DCLRE1C: variants seen among roughly 807,000 people sequenced by gnomAD.
DCLRE1C encodes DNA cross-link repair 1C, also known as protein artemis.
In DCLRE1C, 47 loss-of-function variants were observed where a neutral mutation model predicts 61.4. The ratio of observed to expected loss-of-function variants is 0.77; its 90% CI spans 0.61 to 0.98. The LOEUF (loss-of-function observed/expected upper bound fraction) is 0.98. DCLRE1C is among the 50% of genes least tolerant of loss of function. The pLI, the probability that DCLRE1C is intolerant of heterozygous loss-of-function variation, is 0.00. For synonymous variants in DCLRE1C, 337 were observed against 287.6 expected, an observed-to-expected ratio of 1.17 and a Z score of -1.74; for missense variants, 858 against 816.0, an observed-to-expected ratio of 1.05 and a Z score of -0.63.
At position 14,923,472 on chromosome 10, in the gene DCLRE1C, G is replaced by A. The variant is rs1837464646; in HGVS notation, c.973-403C>T. On this transcript the variant is annotated intron_variant, in intron 11 of 13. Transcript: ENST00000378278. Reference sequence around the variant, plus strand: ...TTCAAATAAGTTAGAATTTAGCTGGGCATTAACTATAATATACACAAAAAC... The same window carrying A: ...TTCAAATAAGTTAGAATTTAGCTGGACATTAACTATAATATACACAAAAAC... The A allele has an allele frequency of 2.3e-5, 6 of 257,882 alleles. No individual in the cohort carries two copies. The South Asian group carries it at 2.6e-4, about 11-fold the overall frequency. 16.0% of individuals were successfully genotyped at this position (257,882 alleles called of 1,614,324 possible). A position where few individuals can be genotyped will look rare whatever the true frequency, so the allele number is the denominator to read the frequency against.
At chr10:14,919,434 A>G (rs1836736023) in intron 13 of DCLRE1C, among the ~76,000 whole-genome samples, 1 of 152,042 alleles carries the variant, frequency 6.6e-6, no homozygotes, top group African/African-American at 2.4e-5. Flanking sequence ...ATGTTCAAGG[A>G]TAACAAACCA....
intron 1 of DCLRE1C, among the ~76,000 whole-genome samples, chr10:14,951,474 C>A (rs1295591976): frequency 1.4e-5 from 2 of 141,834 alleles, no homozygotes; most frequent in Non-Finnish European, 3.0e-5. Context: ...AGAGTCCATA[C>A]AGTTTCTCAT....
chr10:14,912,025 G>A (rs12572872), intron 13 of DCLRE1C, among the ~76,000 whole-genome samples: 57,681 of 152,086 alleles, frequency 0.38, 13,141 homozygotes, highest in African/African-American at 0.64. Flanking sequence ...CAGTTCCTTG[G>A]AGTGTTAAAA....
At chr10:14,927,398 A>T (rs1461307776) in intron 10 of DCLRE1C, among the ~76,000 whole-genome samples, 3 of 147,286 alleles carry the variant, frequency 2.0e-5, no homozygotes, top group Admixed American at 6.7e-5. Flanking sequence ...ACAAAAAAAA[A>T]AGAAGGGAGG....
intron 13 of DCLRE1C, among the ~76,000 whole-genome samples, chr10:14,916,951 C>T (rs1388209026): frequency 6.6e-6 from 1 of 152,082 alleles, no homozygotes; most frequent in Non-Finnish European, 1.5e-5. Flanking sequence ...CTAGGATAAC[C>T]AAAACAACTT....
chr10:14,953,818 C>G (rs1181944779), intron 1 of DCLRE1C, 84 bp downstream of exon 1: 12 of 1,584,848 alleles, frequency 7.6e-6, no homozygotes, highest in Middle Eastern at 1.9e-4. Flanking sequence ...CAGGCTGCAG[C>G]TCCTTGCTCC....
intron 1 of DCLRE1C, among the ~76,000 whole-genome samples, chr10:14,950,357 CAAAAA>C (rs1196056427): frequency 1.4e-5 from 1 of 71,276 alleles, no homozygotes; most frequent in African/African-American, 4.8e-5. Flanking sequence ...AAATAATAAC[CAAAAA>C]AAAAAAAAAA....
chr10:14,902,567 T>C (rs368830300), downstream of DCLRE1C: 719 of 1,115,592 alleles, frequency 6.4e-4, 14 homozygotes, highest in South Asian at 0.012. Flanking sequence ...AATGTTAACA[T>C]TTTTAAAAAT....
intron 13 of DCLRE1C, among the ~76,000 whole-genome samples, chr10:14,910,004 C>G (rs1478105397): frequency 6.6e-6 from 1 of 152,138 alleles, no homozygotes; most frequent in African/African-American, 2.4e-5. Flanking sequence ...CATCTTGTAA[C>G]AGTATCTAAC....
chr10:14,936,617 T>C (rs753235134), intron 4 of DCLRE1C, 24 bp from the exon 5 acceptor site: 19 of 1,576,982 alleles, frequency 1.2e-5, no homozygotes, highest in Non-Finnish European at 1.5e-5. Flanking sequence ...AAAGAAAAAA[T>C]AGTAATGGAA....
intron 10 of DCLRE1C, 104 bp downstream of exon 10, chr10:14,927,912 T>C: frequency 1.2e-6 from 1 of 830,402 alleles, no homozygotes; most frequent in Middle Eastern, 3.1e-4. Flanking sequence ...AATTATAATA[T>C]ATAATTATAT....
At chr10:14,946,706 G>C (rs1022198596) in intron 2 of DCLRE1C, among the ~76,000 whole-genome samples, 1 of 151,812 alleles carries the variant, frequency 6.6e-6, no homozygotes, top group African/African-American at 2.4e-5. Context: ...CTGTCACCCA[G>C]GCTGGAATGC....
chr10:14,927,961 A>C (rs1367907455), intron 10 of DCLRE1C, 55 bp downstream of exon 10: 1 of 1,574,808 alleles, frequency 6.3e-7, no homozygotes, highest in African/African-American at 1.3e-5. Context: ...ATGAAATTAA[A>C]TCAGACAATT....
chr10:14,897,714 A>G (rs1833683999), exon 14 of DCLRE1C: 1 of 392,246 alleles, frequency 2.5e-6, no homozygotes, highest in East Asian at 3.9e-5. Context: ...AATAAAAAAT[A>G]TACGTTAAAA....
At chr10:14,918,105 G>T (rs1435704605) in intron 13 of DCLRE1C, among the ~76,000 whole-genome samples, 6 of 152,226 alleles carry the variant, frequency 3.9e-5, no homozygotes, top group Non-Finnish European at 8.8e-5. Flanking sequence ...CATTTTGGCA[G>T]TTTCTTAAAG....
intron 1 of DCLRE1C, among the ~76,000 whole-genome samples, chr10:14,952,910 G>A (rs1057363650): frequency 6.6e-6 from 1 of 152,166 alleles, no homozygotes; most frequent in African/African-American, 2.4e-5. Flanking sequence ...AAACAACATA[G>A]CTGGCCTTCA....
Position 14,909,153 on chromosome 10 carries a change from C to A in DCLRE1C, c.1334G>T (p.Arg445Leu). ...CCRAECMQSS[R>L]FTNFVDCEES... is the part of the protein sequence containing the mutation. ...TTCACAATCTACAAAGTTTGTGAAA[C>A]GAGAGCTCTGCATACACTCTGCTCT... Residue 445 changes from arginine (R) to leucine (L), a missense_variant, in exon 14 of 14, where the codon CGT becomes CTT. By Grantham distance (102) the Arg-to-Leu change is moderately radical. This residue lies in a region of DCLRE1C where 843 missense variants were observed against 783.5 expected (regional missense o/e 1.08). Coordinates refer to ENST00000378278, the MANE Select transcript of DCLRE1C (RefSeq NM_001033855.3). 3.7e-6 allele frequency: 6 copies of A among 1,614,144 alleles called. No individual in the cohort carries two copies. The highest frequency in any genetic ancestry group is 5.1e-6 in the Non-Finnish European group (6 of 1,180,026).
chr10:14,925,494 T>C (rs1057199179), intron 11 of DCLRE1C, among the ~76,000 whole-genome samples: 2 of 152,208 alleles, frequency 1.3e-5, no homozygotes, highest in African/African-American at 4.8e-5. Flanking sequence ...CCATTGCTGC[T>C]AGGGAAAATA....
intron 12 of DCLRE1C, among the ~76,000 whole-genome samples, chr10:14,921,534 C>CT (rs1480438142): frequency 6.6e-6 from 1 of 152,160 alleles, no homozygotes; most frequent in Non-Finnish European, 1.5e-5. Context: ...CATTTCCTCA[C>CT]TTTTTACCTA....
Sources: gnomAD v4.1 joint callset for allele counts (sites outside exome capture counted in the v4.1 genomes callset) on GRCh38, gnomAD v4.1.1 for gene constraint, gnomAD v4.1.1 regional missense constraint, MANE v1.5 for transcripts, NCBI Gene and HGNC (gene_info 2026-07-23, HGNC 2026-07-21) for gene names.